CDK15: variants seen among roughly 807,000 people sequenced by gnomAD.
CDK15 encodes cyclin dependent kinase 15.
A neutral mutation model predicts 60.3 loss-of-function variants in CDK15; 62 were observed. That is an observed-to-expected ratio of 1.03 (90% confidence interval 0.84 to 1.27). CDK15 has a LOEUF of 1.27. Ranked by LOEUF, CDK15 falls within the 50% of genes most tolerant of loss-of-function variation. The pLI, the probability that CDK15 is intolerant of heterozygous loss-of-function variation, is 0.00. For missense variants in CDK15, 541 were observed against 527.8 expected (o/e 1.03, Z -0.25); for synonymous variants, 194 against 195.7 (o/e 0.99, Z 0.07).
intron 11 of CDK15, among the ~76,000 whole-genome samples, chr2:201,872,803 TAG>T (rs1014954319): frequency 3.9e-5 from 6 of 152,128 alleles, no homozygotes; most frequent in Non-Finnish European, 8.8e-5. Context: ...AAACAGATAA[TAG>T]AGACATTCCG....
At chr2:201,851,806 T>C (rs962055530) in intron 9 of CDK15, among the ~76,000 whole-genome samples, 5 of 152,038 alleles carry the variant, frequency 3.3e-5, no homozygotes, top group Non-Finnish European at 7.4e-5. Flanking sequence ...ATTACAGGTG[T>C]GCACTACCAC....
At chr2:201,851,033 T>G (rs1241376547) in intron 9 of CDK15, among the ~76,000 whole-genome samples, 1 of 152,160 alleles carries the variant, frequency 6.6e-6, no homozygotes, top group East Asian at 1.9e-4. Flanking sequence ...GGCTCATGCC[T>G]GTAATCCCAG....
intron 11 of CDK15, among the ~76,000 whole-genome samples, chr2:201,878,958 C>A (rs752546585): frequency 6.6e-6 from 1 of 152,140 alleles, no homozygotes; most frequent in African/African-American, 2.4e-5. Context: ...CCATAGGATT[C>A]TTTTCTTCAC....
intron 12 of CDK15, among the ~76,000 whole-genome samples, chr2:201,881,660 G>A (rs2105834688): frequency 6.6e-6 from 1 of 152,256 alleles, no homozygotes; most frequent in East Asian, 1.9e-4. Flanking sequence ...GTGGAATTTG[G>A]AAGGAGGAGA....
intron 6 of CDK15, among the ~76,000 whole-genome samples, chr2:201,830,174 C>T (rs1432314197): frequency 6.6e-6 from 1 of 152,076 alleles, no homozygotes; most frequent in Non-Finnish European, 1.5e-5. Flanking sequence ...CTCCTGGACT[C>T]AAGCAATCCT....
intron 7 of CDK15, 37 bp downstream of exon 7, chr2:201,834,008 C>A (rs558726340): frequency 2.5e-6 from 4 of 1,605,522 alleles, no homozygotes; most frequent in Non-Finnish European, 1.7e-6. Flanking sequence ...GGGCTGTGAA[C>A]AATGATGCTT....
intron 3 of CDK15, among the ~76,000 whole-genome samples, chr2:201,811,582 C>T (rs1695772615): frequency 6.6e-6 from 1 of 152,100 alleles, no homozygotes; most frequent in African/African-American, 2.4e-5. Flanking sequence ...TGGATTTATA[C>T]CTGCATTAAA....
At chr2:201,850,577 G>C (rs1036276243) in intron 9 of CDK15, among the ~76,000 whole-genome samples, 5 of 152,226 alleles carry the variant, frequency 3.3e-5, no homozygotes, top group African/African-American at 1.2e-4. Flanking sequence ...AGAAACTATA[G>C]ATGCAGTAAC....
intron 9 of CDK15, among the ~76,000 whole-genome samples, chr2:201,853,905 A>T (rs979280678): frequency 2.0e-5 from 3 of 152,010 alleles, no homozygotes; most frequent in Non-Finnish European, 4.4e-5. Context: ...CTCATGCCTG[A>T]AATCCCAGCA....
intron 13 of CDK15, among the ~76,000 whole-genome samples, chr2:201,891,289 G>C (rs983799837): frequency 5.3e-5 from 8 of 152,212 alleles, no homozygotes; most frequent in African/African-American, 1.9e-4. Flanking sequence ...AGCCTCCCAA[G>C]TGCTGGGATT....
intron 11 of CDK15, among the ~76,000 whole-genome samples, chr2:201,877,121 G>A (rs932908024): frequency 8.5e-5 from 13 of 152,158 alleles, no homozygotes; most frequent in African/African-American, 3.1e-4. Context: ...TATAAGAAAA[G>A]GGGTGCCCCT....
At chr2:201,874,312 C>T (rs1310284158) in intron 11 of CDK15, among the ~76,000 whole-genome samples, 1 of 152,104 alleles carries the variant, frequency 6.6e-6, no homozygotes, top group African/African-American at 2.4e-5. Flanking sequence ...CCATTGGCAG[C>T]GTTAGCCTGG....
intron 9 of CDK15, among the ~76,000 whole-genome samples, chr2:201,849,818 A>AT (rs1201107437): frequency 1.3e-5 from 2 of 151,626 alleles, no homozygotes; most frequent in African/African-American, 2.4e-5. Flanking sequence ...ATATAAACTG[A>AT]TTTTTTTTCT....
chr2:201,870,893 TAGA>T (rs1460505478), intron 10 of CDK15, among the ~76,000 whole-genome samples: 1 of 152,196 alleles, frequency 6.6e-6, no homozygotes, highest in Non-Finnish European at 1.5e-5. Flanking sequence ...TCCTCTTACA[TAGA>T]AGAAGCCCTT....
Position 201,806,624 on chromosome 2 carries a change from A to G in CDK15, c.-41A>G, listed in dbSNP as rs1375734648. On this transcript the variant is annotated 5_prime_UTR_variant, in exon 1 of 14. Coordinates refer to ENST00000652192, the MANE Select transcript of CDK15 (RefSeq NM_001366386.2). ...ACAAGGATAGGAGAGGCAGTGGGGG[A>G]AAGGTTCAAGTGCGGGTTTTCTCCT... 1 of 1,536,384 alleles carries G rather than the reference A, an allele frequency of 6.5e-7. No individual in the cohort carries two copies. The highest frequency in any genetic ancestry group is 1.4e-5 in the African/African-American group (1 of 73,888).
intron 6 of CDK15, among the ~76,000 whole-genome samples, chr2:201,833,616 G>A (rs1378629742): frequency 6.6e-6 from 1 of 151,806 alleles, no homozygotes; most frequent in East Asian, 1.9e-4. Context: ...GAGATGTCAG[G>A]AAAAGCCAGA....
chr2:201,819,013 A>C (rs1696108006), intron 4 of CDK15, among the ~76,000 whole-genome samples: 1 of 152,188 alleles, frequency 6.6e-6, no homozygotes, highest in Non-Finnish European at 1.5e-5. Flanking sequence ...TGGAGTTTAT[A>C]TTCTCAATTG....
chr2:201,867,351 A>G (rs1461644505), intron 10 of CDK15, among the ~76,000 whole-genome samples: 2 of 152,126 alleles, frequency 1.3e-5, no homozygotes, highest in Non-Finnish European at 2.9e-5. Flanking sequence ...CAGCCCAGGC[A>G]TGGTGGCTCA....
intron 10 of CDK15, 128 bp from the exon 11 acceptor site, chr2:201,872,150 A>G: frequency 3.2e-6 from 3 of 949,166 alleles, no homozygotes; most frequent in Admixed American, 1.8e-5. Flanking sequence ...AAATCACATT[A>G]GCCTACCTGA....
Sources: gnomAD v4.1 joint callset for allele counts (sites outside exome capture counted in the v4.1 genomes callset) on GRCh38, gnomAD v4.1.1 for gene constraint, MANE v1.5 for transcripts, NCBI Gene and HGNC (gene_info 2026-07-23, HGNC 2026-07-21) for gene names.